The following RNF13 variants were observed in gnomAD, a reference collection of about 807,000 sequenced individuals.
RNF13 encodes the protein ring finger protein 13.
Under a neutral mutation model 37.7 loss-of-function variants are expected in RNF13, and 19 were observed. The ratio of observed to expected loss-of-function variants is 0.50; its 90% CI spans 0.35 to 0.74. The LOEUF (loss-of-function observed/expected upper bound fraction) is 0.74. Among genes scored for constraint, RNF13 ranks in the 30% least tolerant of loss-of-function variants. The pLI, the probability that RNF13 is intolerant of heterozygous loss-of-function variation, is 0.01. For missense variants in RNF13, 375 were observed against 453.0 expected (o/e 0.83, Z 1.56); for synonymous variants, 144 against 157.8 (o/e 0.91, Z 0.65).
intron 1 of RNF13, among the ~76,000 whole-genome samples, chr3:149,837,189 C>A (rs935293973): frequency 5.3e-5 from 8 of 152,162 alleles, no homozygotes; most frequent in African/African-American, 1.9e-4. Context: ...CTGAAAAGAT[C>A]ACTGAAGAGT....
At chr3:149,887,703 ACTCT>A (rs1353421489) in intron 4 of RNF13, among the ~76,000 whole-genome samples, 2 of 151,588 alleles carry the variant, frequency 1.3e-5, no homozygotes, top group Non-Finnish European at 2.9e-5. Context: ...ACTTTTACAC[ACTCT>A]CTCTTCTCTC....
chr3:149,875,850 G>A (rs2108448956), intron 4 of RNF13, among the ~76,000 whole-genome samples: 1 of 29,696 alleles, frequency 3.4e-5, no homozygotes. Context: ...GAGGAAAAGC[G>A]AAACAGTGCT....
chr3:149,861,897 C>T (rs981146815), intron 3 of RNF13, among the ~76,000 whole-genome samples: 4 of 151,780 alleles, frequency 2.6e-5, no homozygotes, highest in Non-Finnish European at 2.9e-5. Context: ...TCACACGCAC[C>T]CCATAAATAT....
At chr3:149,939,197 C>T (rs1421566017) in intron 8 of RNF13, 4 of 515,828 alleles carry the variant, frequency 7.8e-6, no homozygotes, top group South Asian at 5.8e-5. Flanking sequence ...CTTTTCCATT[C>T]TGATTTGACT....
intron 8 of RNF13, among the ~76,000 whole-genome samples, chr3:149,936,952 G>A (rs953609357): frequency 6.6e-6 from 1 of 152,070 alleles, no homozygotes; most frequent in African/African-American, 2.4e-5. Flanking sequence ...TTTCACAAAC[G>A]TTCGGCGCAC....
intron 1 of RNF13, among the ~76,000 whole-genome samples, chr3:149,829,922 G>A (rs916292572): frequency 1.3e-5 from 2 of 152,052 alleles, no homozygotes; most frequent in Admixed American, 1.3e-4. Flanking sequence ...TAAGTCTCAT[G>A]TGAACTGATG....
intron 8 of RNF13, among the ~76,000 whole-genome samples, chr3:149,937,068 C>G (rs1719766039): frequency 6.6e-6 from 1 of 152,122 alleles, no homozygotes; most frequent in Non-Finnish European, 1.5e-5. Context: ...TGGAATGTGC[C>G]TCCTACTGCT....
At chr3:149,890,162 A>G (rs775072020) in intron 4 of RNF13, among the ~76,000 whole-genome samples, 1 of 152,232 alleles carries the variant, frequency 6.6e-6, no homozygotes, top group East Asian at 1.9e-4. Context: ...GCTATGAAGT[A>G]TAAGAGATAG....
intron 7 of RNF13, among the ~76,000 whole-genome samples, chr3:149,916,788 T>G (rs959527069): frequency 6.6e-6 from 1 of 152,156 alleles, no homozygotes; most frequent in Non-Finnish European, 1.5e-5. Context: ...AAATAAACAT[T>G]ATTAAATGGT....
At chr3:149,879,307 AT>A (rs3028508) in intron 4 of RNF13, among the ~76,000 whole-genome samples, 81 of 137,380 alleles carry the variant, frequency 5.9e-4, no homozygotes, top group Admixed American at 7.4e-4. Flanking sequence ...TTATCAGGTA[AT>A]TTTTTTTTTT....
At chr3:149,826,657 T>A (rs1201842383) in intron 1 of RNF13, among the ~76,000 whole-genome samples, 1 of 152,198 alleles carries the variant, frequency 6.6e-6, no homozygotes, top group Non-Finnish European at 1.5e-5. Flanking sequence ...TTTTAGTTTT[T>A]TATTATGAAA....
intron 4 of RNF13, among the ~76,000 whole-genome samples, chr3:149,890,263 A>G (rs985056700): frequency 6.6e-6 from 1 of 152,220 alleles, no homozygotes; most frequent in African/African-American, 2.4e-5. Context: ...AATCATTACC[A>G]GATTGTTCCA....
In RNF13 at chr3:149,921,202, A is replaced by G. The variant is rs754507083; in HGVS notation, c.675A>G (p.Lys225=). Residue 225 remains lysine (K), a synonymous_variant, in exon 8 of 10, where the codon AAA becomes AAG. Coordinates refer to ENST00000392894, the MANE Select transcript of RNF13 (RefSeq NM_183381.3). ...RNRLRKDQLK[K]LPVHKFKKGD... ...GACTTCGTAAAGATCAACTTAAGAAACTTCCTGTACATAAATTCAAGAAAG... is the reference window on the plus strand; with the variant it reads ...GACTTCGTAAAGATCAACTTAAGAAGCTTCCTGTACATAAATTCAAGAAAG... 3.5e-6 allele frequency: 5 copies of G among 1,414,820 alleles called. No individual in the cohort carries two copies. The South Asian group carries it at 8.5e-5, about 24-fold the overall frequency. 87.6% of individuals were successfully genotyped at this position (1,414,820 alleles called of 1,614,324 possible). A position where few individuals can be genotyped will look rare whatever the true frequency, so the allele number is the denominator to read the frequency against.
chr3:149,922,920 C>T (rs1718293301), intron 8 of RNF13, among the ~76,000 whole-genome samples: 1 of 152,080 alleles, frequency 6.6e-6, no homozygotes, highest in South Asian at 2.1e-4. Context: ...GCTGGCACTT[C>T]CCAGACTTCA....
At chr3:149,813,838 C>T (rs918493129) in intron 1 of RNF13, 1 of 152,276 alleles carries the variant, frequency 6.6e-6, no homozygotes, top group Non-Finnish European at 1.5e-5. Context: ...TTAACCCCTG[C>T]TAGGGCCAGA....
intron 8 of RNF13, among the ~76,000 whole-genome samples, chr3:149,943,077 A>AAATACT (rs1720426909): frequency 6.6e-6 from 1 of 152,070 alleles, no homozygotes; most frequent in Admixed American, 6.6e-5. Flanking sequence ...TGTTGAATTC[A>AAATACT]GTTTACTAGT....
chr3:149,927,640 G>T (rs1387396294), intron 8 of RNF13, among the ~76,000 whole-genome samples: 1 of 152,126 alleles, frequency 6.6e-6, no homozygotes, highest in Non-Finnish European at 1.5e-5. Context: ...CTGTTGTTTT[G>T]TTTTAATATA....
At chr3:149,867,406 C>G (rs1414685803) in intron 3 of RNF13, among the ~76,000 whole-genome samples, 3 of 151,588 alleles carry the variant, frequency 2.0e-5, no homozygotes, top group Admixed American at 6.6e-5. Flanking sequence ...GCTGGGACTA[C>G]AGGCGCCCAC....
intron 8 of RNF13, among the ~76,000 whole-genome samples, chr3:149,950,740 T>C (rs1250321219): frequency 6.6e-6 from 1 of 151,848 alleles, no homozygotes; most frequent in African/African-American, 2.4e-5. Flanking sequence ...CCTCCCAAAG[T>C]GCTGGGATTA....
Sources: allele counts gnomAD v4.1 joint callset (sites outside exome capture counted in the v4.1 genomes callset), GRCh38; gene constraint gnomAD v4.1.1; transcripts MANE v1.5; gene names NCBI Gene and HGNC (gene_info 2026-07-23, HGNC 2026-07-21).